COG5: variants seen among roughly 807,000 people sequenced by gnomAD.
COG5 encodes component of oligomeric golgi complex 5, also known as conserved oligomeric Golgi complex subunit 5.
COG5 carries 86 observed loss-of-function variants against 110.4 expected under a neutral mutation model. The ratio of observed to expected loss-of-function variants is 0.78; its 90% CI spans 0.65 to 0.93. The LOEUF (loss-of-function observed/expected upper bound fraction) is 0.93. Among genes scored for constraint, COG5 ranks in the 40% least tolerant of loss-of-function variants. COG5 has a pLI of 0.00. For missense variants in COG5, 1,077 were observed against 987.0 expected, an observed-to-expected ratio of 1.09 and a Z score of -1.22; for synonymous variants, 360 against 334.6, an observed-to-expected ratio of 1.08 and a Z score of -0.83.
chr7:107,396,216 A>T (rs541385715), intron 7 of COG5, among the ~76,000 whole-genome samples: 1 of 152,298 alleles, frequency 6.6e-6, no homozygotes, highest in African/African-American at 2.4e-5. Context: ...AATCACATTA[A>T]ATACCATAAT....
At chr7:107,526,560 A>G (rs116231241) in intron 6 of COG5, among the ~76,000 whole-genome samples, 2,264 of 152,338 alleles carry the variant, frequency 0.015, 59 homozygotes, top group African/African-American at 0.053. Flanking sequence ...TTTCTCTAGA[A>G]TATTTCCTAG....
chr7:107,249,247 C>T (rs146478042), intron 16 of COG5, among the ~76,000 whole-genome samples: 72 of 152,028 alleles, frequency 4.7e-4, no homozygotes, highest in Non-Finnish European at 7.2e-4. Flanking sequence ...TGCTTAAAGA[C>T]ATTTTTCATT....
intron 6 of COG5, among the ~76,000 whole-genome samples, chr7:107,515,449 G>C (rs1799854833): frequency 6.6e-6 from 1 of 152,096 alleles, no homozygotes; most frequent in African/African-American, 2.4e-5. Flanking sequence ...TCACAAGTGG[G>C]ATTAGTAGAG....
intron 6 of COG5, among the ~76,000 whole-genome samples, chr7:107,483,537 T>A (rs1797469939): frequency 1.3e-5 from 2 of 151,890 alleles, no homozygotes; most frequent in African/African-American, 4.8e-5. Context: ...GAAACCTGTC[T>A]CTACTAAAAA....
intron 7 of COG5, among the ~76,000 whole-genome samples, chr7:107,411,790 T>C (rs1488469338): frequency 2.0e-5 from 3 of 152,240 alleles, no homozygotes; most frequent in South Asian, 2.1e-4. Context: ...ATGCACAAAA[T>C]GAAATTCCTG....
intron 21 of COG5, among the ~76,000 whole-genome samples, chr7:107,207,076 A>G (rs1798836897): frequency 6.6e-6 from 1 of 152,246 alleles, no homozygotes; most frequent in Non-Finnish European, 1.5e-5. Flanking sequence ...GGAAGTTTTC[A>G]TGGAAAACAA....
chr7:107,295,087 A>G lies in COG5; in HGVS notation c.1313+3055T>C, dbSNP rs1307511092. 1.9e-3 allele frequency among the ~76,000 whole-genome samples: 130 copies of G among 69,528 alleles called. 1 individual carries two copies. The highest frequency in any genetic ancestry group is 2.9e-3 in the Non-Finnish European group (108 of 36,930). The allele number at this position is 69,528 out of a possible 152,430, so 45.6% of individuals were successfully genotyped here. A position where few individuals can be genotyped will look rare whatever the true frequency, so the allele number is the denominator to read the frequency against. On this transcript the variant is annotated intron_variant, in intron 12 of 21. Coordinates refer to ENST00000297135, the MANE Select transcript of COG5 (RefSeq NM_006348.5). ...CACACATATATATATATATATATAT[A>G]TATATATATATATATTTTTTTTTTT...
chr7:107,265,871 A>G (rs534921511), intron 14 of COG5, among the ~76,000 whole-genome samples: 43 of 152,216 alleles, frequency 2.8e-4, no homozygotes, highest in African/African-American at 7.7e-4. Context: ...CCTGAGCAAC[A>G]TAGTGAGACC....
chr7:107,294,954 TATATATACACACATATATATATACAC>T (rs1806527244), intron 12 of COG5, among the ~76,000 whole-genome samples: 2 of 125,958 alleles, frequency 1.6e-5, no homozygotes, highest in Non-Finnish European at 3.4e-5. Context: ...CACACACATA[TATATATACACACATATATATATACAC>T]ATATATACAC....
chr7:107,285,108 C>T (rs1805515616), intron 12 of COG5, among the ~76,000 whole-genome samples: 1 of 152,176 alleles, frequency 6.6e-6, no homozygotes, highest in Non-Finnish European at 1.5e-5. Context: ...GAATACTACG[C>T]ACCAGGCACT....
intron 7 of COG5, among the ~76,000 whole-genome samples, chr7:107,403,429 T>G (rs1791584620): frequency 6.6e-6 from 1 of 151,694 alleles, no homozygotes; most frequent in Admixed American, 6.6e-5. Context: ...GGGATACATG[T>G]GTAGAATGTG....
At chr7:107,356,628 A>C (rs930200243) in intron 10 of COG5, among the ~76,000 whole-genome samples, 2 of 151,974 alleles carry the variant, frequency 1.3e-5, no homozygotes, top group African/African-American at 4.8e-5. Flanking sequence ...ATTTCAGTAC[A>C]TTTTTTTTAA....
chr7:107,451,625 C>T (rs182339350), intron 6 of COG5, among the ~76,000 whole-genome samples: 16 of 152,184 alleles, frequency 1.1e-4, no homozygotes, highest in East Asian at 1.9e-4. Flanking sequence ...AAGACAAAAC[C>T]GACACTTCTT....
chr7:107,281,432 G>A, intron 13 of COG5, 33 bp from the exon 14 acceptor site: 1 of 1,423,016 alleles, frequency 7.0e-7, no homozygotes, highest in Non-Finnish European at 9.9e-7. Context: ...TTAAATATTA[G>A]CAACATCATT....
intron 11 of COG5, among the ~76,000 whole-genome samples, chr7:107,314,703 C>T (rs1042560875): frequency 1.3e-5 from 2 of 151,812 alleles, no homozygotes; most frequent in Admixed American, 6.6e-5. Context: ...GAGCCAAGAT[C>T]GTGCCACTGC....
chr7:107,552,793 C>A (rs764681233), intron 3 of COG5, among the ~76,000 whole-genome samples: 3 of 152,068 alleles, frequency 2.0e-5, no homozygotes, highest in Non-Finnish European at 4.4e-5. Context: ...TAAATTGTTC[C>A]ACCATAAAGA....
chr7:107,552,687 C>G (rs1050006483), intron 3 of COG5, among the ~76,000 whole-genome samples: 1 of 152,098 alleles, frequency 6.6e-6, no homozygotes. Flanking sequence ...TGGGAAGGTA[C>G]AGCCACTGTG....
intron 5 of COG5, among the ~76,000 whole-genome samples, chr7:107,532,292 T>A (rs1386276856): frequency 6.6e-6 from 1 of 152,016 alleles, no homozygotes; most frequent in Admixed American, 6.6e-5. Context: ...CCTGACCTCA[T>A]GTGATCCACC....
At chr7:107,230,279 A>C (rs1471843040) in intron 19 of COG5, among the ~76,000 whole-genome samples, 4 of 152,130 alleles carry the variant, frequency 2.6e-5, no homozygotes, top group African/African-American at 9.7e-5. Flanking sequence ...TTTCAGAAAA[A>C]CTTGTCTATA....
Sources: gnomAD v4.1 joint callset for allele counts (sites outside exome capture counted in the v4.1 genomes callset) on GRCh38, gnomAD v4.1.1 for gene constraint, MANE v1.5 for transcripts, NCBI Gene and HGNC (gene_info 2026-07-23, HGNC 2026-07-21) for gene names.